IL18BP: variants seen among roughly 807,000 people sequenced by gnomAD.
IL18BP encodes the protein interleukin-18-binding protein.
Under a neutral mutation model 19.9 loss-of-function variants are expected in IL18BP, and 23 were observed. The ratio of observed to expected loss-of-function variants is 1.15; its 90% CI spans 0.83 to 1.64. IL18BP has a LOEUF of 1.64. Ranked by LOEUF, IL18BP falls within the 40% of genes most tolerant of loss-of-function variation. The pLI is 0.00. For synonymous variants in IL18BP, 107 were observed against 101.0 expected (o/e 1.06, Z -0.35); for missense variants, 239 against 240.7 (o/e 0.99, Z 0.05).
Position 72,001,989 on chromosome 11 carries a change from C to T in IL18BP, c.*128C>T. ...GCGCAACACACCCCCTCCTTCTCTG[C>T]TTTGGGTCCCTTCTCTCACCAAATT... is the stretch of plus-strand genomic sequence containing the variant. On this transcript the variant is annotated 3_prime_UTR_variant, in exon 6 of 6. Transcript: ENST00000393703. 7.3e-7 allele frequency: 1 copy of T among 1,369,512 alleles called. No individual in the cohort carries two copies. Among genetic ancestry groups the T allele is most frequent in the Admixed American group, 2.4e-5 (1 of 42,532 alleles). 84.8% of individuals were successfully genotyped at this position (1,369,512 alleles called of 1,614,324 possible).
chr11:72,007,705 C>T, downstream of IL18BP: 2 of 507,090 alleles, frequency 3.9e-6, no homozygotes, highest in Admixed American at 3.6e-5. Flanking sequence ...TGCTTCACAG[C>T]AAACACGTCC....
rs749696736 is a variant in IL18BP, at chr11:72,001,781, T to C, written c.508-3T>C. On this transcript the variant is annotated splice_polypyrimidine_tract_variant and splice_region_variant and intron_variant, in intron 5 of 5. Coordinates refer to ENST00000393703, the MANE Select transcript of IL18BP (RefSeq NM_001039660.2). Reference sequence around the variant, plus strand: ...TGATCCTTGTCTGCCTTCACTTCCCTAGGCTGGGCTGAGGGCAACCTTGCC... The same window carrying C: ...TGATCCTTGTCTGCCTTCACTTCCCCAGGCTGGGCTGAGGGCAACCTTGCC... 81 of 1,613,956 alleles carry C rather than the reference T, an allele frequency of 5.0e-5. No individual in the cohort carries two copies. The highest frequency in any genetic ancestry group is 8.3e-5 in the Admixed American group (5 of 59,996).
Position 71,999,964 on chromosome 11 carries a change from C to G in IL18BP, c.-21C>G, listed in dbSNP as rs1296110989. The G allele has an allele frequency of 1.2e-6, 2 of 1,613,560 alleles. No homozygotes were observed. Among genetic ancestry groups the G allele is most frequent in the Non-Finnish European group, 1.7e-6 (2 of 1,179,696 alleles). On this transcript the variant is annotated 5_prime_UTR_variant, in exon 2 of 6. Coordinates refer to ENST00000393703, the MANE Select transcript of IL18BP (RefSeq NM_001039660.2). ...TGTCACAGATAAAGAGCCAGGCTCA[C>G]CAGCTCCTGACGCATGCATCATGAC... is the stretch of plus-strand genomic sequence containing the variant.
In IL18BP at chr11:72,000,222, C is replaced by T. The variant is rs530563851; in HGVS notation, c.29-129C>T. 10 of 931,690 alleles carry T rather than the reference C, an allele frequency of 1.1e-5. No individual in the cohort carries two copies. In the South Asian group the frequency reaches 1.4e-4, roughly 14 times the overall value. The allele number at this position is 931,690 out of a possible 1,614,324, so 57.7% of individuals were successfully genotyped here. On this transcript the variant is annotated intron_variant, in intron 2 of 5. Coordinates refer to ENST00000393703, the MANE Select transcript of IL18BP (RefSeq NM_001039660.2). ...TCAATAAAGGGCTAAGGGGTGGGTG[C>T]TGAGGGGTCCCTCTTCCCGCTCTGA...
chr11:72,004,963 T>C, downstream of IL18BP: 1 of 874,280 alleles, frequency 1.1e-6, no homozygotes, highest in Non-Finnish European at 1.7e-6. Flanking sequence ...AGGCCTCCTT[T>C]CCTGTTCTGC....
At chr11:72,005,275 C>T (rs1358176688), downstream of IL18BP, 2 of 1,606,236 alleles carry the variant, frequency 1.2e-6, no homozygotes, top group African/African-American at 1.3e-5. Flanking sequence ...GTGGGGGGCA[C>T]ACTCGATTGC....
chr11:72,005,565 C>G (rs544722861), downstream of IL18BP: 148 of 569,428 alleles, frequency 2.6e-4, 1 homozygote, highest in Middle Eastern at 2.2e-3. Flanking sequence ...ACCACCTTCT[C>G]CCTGGAGAGG....
At position 72,000,463 on chromosome 11, in the gene IL18BP, A is replaced by G; in HGVS notation, c.141A>G (p.Thr47=). Residue 47 remains threonine (T), a synonymous_variant, in exon 3 of 6, where the codon ACA becomes ACG. Transcript: ENST00000393703. The stretch of plus-strand genomic sequence containing the variant: ...CTGCCACTGCCTCAGTTAGAAGCAC[A>G]AAGGACCCCTGCCCCTCCCAGCCCC... The part of the protein sequence containing the change: ...TTAATASVRS[T]KDPCPSQPPV... 1 of 1,614,058 alleles carries G rather than the reference A, an allele frequency of 6.2e-7. No individual in the cohort carries two copies. Among genetic ancestry groups the G allele is most frequent in the East Asian group, 2.2e-5 (1 of 44,872 alleles).
downstream of IL18BP, chr11:72,003,649 T>C (rs5743682): frequency 1.2e-3 from 1,712 of 1,412,232 alleles, 4 homozygotes; most frequent in Non-Finnish European, 1.6e-3. Context: ...TCCCCTCCCT[T>C]GTGAGCCCCA....
chr11:72,002,031 C>A lies in IL18BP; in HGVS notation c.*170C>A. On this transcript the variant is annotated 3_prime_UTR_variant, in exon 6 of 6. Coordinates refer to ENST00000393703, the MANE Select transcript of IL18BP (RefSeq NM_001039660.2). Reference sequence around the variant, plus strand: ...CACCAAATTCAAACTCCATTCCCACCTACCTAGAAAATCACAGCCTCCTTA... The same window carrying A: ...CACCAAATTCAAACTCCATTCCCACATACCTAGAAAATCACAGCCTCCTTA... 1 of 938,078 alleles carries A rather than the reference C, an allele frequency of 1.1e-6. No homozygotes were observed. Among genetic ancestry groups the A allele is most frequent in the Non-Finnish European group, 1.6e-6 (1 of 625,140 alleles). 58.1% of individuals were successfully genotyped at this position (938,078 alleles called of 1,614,324 possible). A position where few individuals can be genotyped will look rare whatever the true frequency, so the allele number is the denominator to read the frequency against.
intron 2 of IL18BP, 145 bp from the exon 3 acceptor site, chr11:72,000,206 G>A: frequency 3.5e-6 from 3 of 867,964 alleles, no homozygotes; most frequent in Non-Finnish European, 5.6e-6. Context: ...TTCAATAAAG[G>A]GCTAAGGGGT....
At chr11:72,000,108 A>T in intron 2 of IL18BP, 96 bp downstream of exon 2, 1 of 1,355,112 alleles carries the variant, frequency 7.4e-7, no homozygotes, top group Non-Finnish European at 1.0e-6. Context: ...CTCCAAGGCA[A>T]ACCACCCAGC....
At chr11:72,005,306 C>T (rs749038538), downstream of IL18BP, 4 of 1,607,934 alleles carry the variant, frequency 2.5e-6, no homozygotes, top group South Asian at 2.2e-5. Context: ...CTCTGCAATG[C>T]GGTTCCAGTC....
downstream of IL18BP, chr11:72,003,655 C>T (rs964866553): frequency 2.9e-6 from 4 of 1,367,104 alleles, no homozygotes; most frequent in African/African-American, 4.3e-5. Context: ...CCCTTGTGAG[C>T]CCCAGGGTTA....
downstream of IL18BP, chr11:72,005,988 C>T: frequency 1.4e-6 from 2 of 1,447,962 alleles, no homozygotes; most frequent in South Asian, 2.5e-5. Context: ...CACGATCCAC[C>T]TTCCAGTCTA....
Position 72,002,197 on chromosome 11 carries a change from T to A in IL18BP, c.*336T>A, listed in dbSNP as rs1477390391. On this transcript the variant is annotated 3_prime_UTR_variant, in exon 6 of 6. Transcript: ENST00000393703. ...TGCACTCCAGGGCCCTACCTGCATTTCCCACATGACTTTCTGGAAGCCTCC... is the reference window on the plus strand; with the variant it reads ...TGCACTCCAGGGCCCTACCTGCATTACCCACATGACTTTCTGGAAGCCTCC... 2.9e-6 allele frequency: 1 copy of A among 339,606 alleles called. No homozygotes were observed. The highest frequency in any genetic ancestry group is 5.4e-6 in the Non-Finnish European group (1 of 185,762). The allele number at this position is 339,606 out of a possible 1,614,324, so 21.0% of individuals were successfully genotyped here.
At chr11:72,003,625 C>A, downstream of IL18BP, 2 of 1,545,944 alleles carry the variant, frequency 1.3e-6, no homozygotes, top group Non-Finnish European at 1.8e-6. Context: ...CCTGCTCCCA[C>A]GCCCCTGTCT....
chr11:72,004,320 A>C, downstream of IL18BP: 1 of 1,613,088 alleles, frequency 6.2e-7, no homozygotes, highest in Non-Finnish European at 8.5e-7. Context: ...GGGCGTGGGA[A>C]ACAGCTGGTG....
downstream of IL18BP, chr11:72,007,335 G>A (rs200148571): frequency 4.3e-5 from 69 of 1,613,632 alleles, no homozygotes; most frequent in Admixed American, 1.0e-3. Context: ...GTGAAGTAGA[G>A]ACTCTCCAGG....
Sources: allele counts gnomAD v4.1 joint callset, GRCh38; gene constraint gnomAD v4.1.1; transcripts MANE v1.5; gene names NCBI Gene and HGNC (gene_info 2026-07-23, HGNC 2026-07-21).